SEM1: variants seen among roughly 807,000 people sequenced by gnomAD.
The protein encoded by SEM1 is 26S proteasome complex subunit SEM1.
A neutral mutation model predicts 12.7 loss-of-function variants in SEM1; 3 were observed. That is an observed-to-expected ratio of 0.24 (90% CI 0.11 to 0.61). SEM1 has a LOEUF of 0.61. SEM1 is among the 20% of genes least tolerant of loss of function. The pLI, the probability that SEM1 is intolerant of heterozygous loss-of-function variation, is 0.88. For missense variants in SEM1, 59 were observed against 81.3 expected (o/e 0.73, Z 1.06); for synonymous variants, 30 against 27.8 (o/e 1.08, Z -0.25).
chr7:96,551,343 T>G (rs1294744686), intron 2 of SEM1, among the ~76,000 whole-genome samples: 1 of 152,114 alleles, frequency 6.6e-6, no homozygotes, highest in Non-Finnish European at 1.5e-5. Flanking sequence ...ATTAAGGTTC[T>G]CAAGACAAGA....
At chr7:96,628,695 C>A (rs902696527) in intron 2 of SEM1, among the ~76,000 whole-genome samples, 2 of 152,060 alleles carry the variant, frequency 1.3e-5, no homozygotes, top group African/African-American at 4.8e-5. Flanking sequence ...TACAGTGTTA[C>A]AATATTCTTT....
chr7:96,591,999 A>G (rs993413464), intron 2 of SEM1, among the ~76,000 whole-genome samples: 1 of 152,146 alleles, frequency 6.6e-6, no homozygotes, highest in African/African-American at 2.4e-5. Context: ...AAATCAAAAC[A>G]TGTTGAGCCT....
chr7:96,508,905 T>C (rs1803839369), intron 2 of SEM1, among the ~76,000 whole-genome samples: 1 of 152,136 alleles, frequency 6.6e-6, no homozygotes. Flanking sequence ...TTGATAACTC[T>C]AAATCAGGTG....
chr7:96,503,920 G>C (rs996553815), intron 3 of SEM1, among the ~76,000 whole-genome samples: 3 of 152,080 alleles, frequency 2.0e-5, no homozygotes, highest in Non-Finnish European at 4.4e-5. Context: ...CAAGTATCCA[G>C]TTCACAGAGA....
chr7:96,596,945 A>C (rs1159068659), intron 2 of SEM1, among the ~76,000 whole-genome samples: 2 of 152,208 alleles, frequency 1.3e-5, no homozygotes, highest in East Asian at 3.8e-4. Flanking sequence ...CAAATATGCC[A>C]TCTGAAAAAA....
chr7:96,652,552 G>A (rs560484035), intron 2 of SEM1, among the ~76,000 whole-genome samples: 3 of 151,614 alleles, frequency 2.0e-5, no homozygotes, highest in Non-Finnish European at 4.4e-5. Flanking sequence ...CCATTATTTG[G>A]ATTATTTTAA....
At chr7:96,619,164 C>T (rs1807808059), downstream of SEM1, among the ~76,000 whole-genome samples, 1 of 152,138 alleles carries the variant, frequency 6.6e-6, no homozygotes, top group Admixed American at 6.5e-5. Context: ...TATTTCCCTG[C>T]TTTTTCATAT....
intron 2 of SEM1, among the ~76,000 whole-genome samples, chr7:96,632,015 T>C (rs1808277010): frequency 6.6e-6 from 1 of 152,152 alleles, no homozygotes; most frequent in South Asian, 2.1e-4. Context: ...TACCATCTCA[T>C]GCCAGTTAGA....
chr7:96,599,879 A>G (rs1309211383), intron 2 of SEM1, among the ~76,000 whole-genome samples: 1 of 152,174 alleles, frequency 6.6e-6, no homozygotes, highest in Non-Finnish European at 1.5e-5. Context: ...ATACAGATCC[A>G]TTCTGAAATC....
intron 2 of SEM1, chr7:96,664,405 C>G (rs903520920): frequency 9.2e-5 from 14 of 152,182 alleles, no homozygotes; most frequent in African/African-American, 2.7e-4. Flanking sequence ...TTTCAGAGGC[C>G]TCCAGATTCT....
chr7:96,507,303 G>A (rs1382680502), intron 2 of SEM1, among the ~76,000 whole-genome samples: 1 of 152,038 alleles, frequency 6.6e-6, no homozygotes, highest in African/African-American at 2.4e-5. Context: ...CAGTATTCAG[G>A]TCAAGGAAAC....
At chr7:96,605,524 C>G (rs1192102927) in intron 2 of SEM1, among the ~76,000 whole-genome samples, 1 of 152,196 alleles carries the variant, frequency 6.6e-6, no homozygotes, top group Non-Finnish European at 1.5e-5. Context: ...TAAACAAAAG[C>G]TCTCCAGATA....
chr7:96,639,284 A>G (rs922443375), intron 2 of SEM1, among the ~76,000 whole-genome samples: 3 of 151,996 alleles, frequency 2.0e-5, no homozygotes, highest in Non-Finnish European at 4.4e-5. Flanking sequence ...ATGAAAAAGA[A>G]CTAGAGAAGA....
intron 2 of SEM1, among the ~76,000 whole-genome samples, chr7:96,511,802 G>A (rs1439155290): frequency 1.3e-5 from 2 of 152,014 alleles, no homozygotes; most frequent in Non-Finnish European, 2.9e-5. Flanking sequence ...CTCTCACTGG[G>A]TTGCACAGTC....
intron 2 of SEM1, among the ~76,000 whole-genome samples, chr7:96,646,166 T>C (rs1353465580): frequency 6.6e-6 from 1 of 152,178 alleles, no homozygotes; most frequent in African/African-American, 2.4e-5. Context: ...GCCTTTTTTC[T>C]TTTTTGTAAA....
chr7:96,650,265 G>A, intron 2 of SEM1: 1 of 449,642 alleles, frequency 2.2e-6, no homozygotes, highest in Admixed American at 4.0e-5. Flanking sequence ...AACAAACTAT[G>A]GGAAATTCCG....
At chr7:96,531,827 A>G (rs1315856181) in intron 2 of SEM1, among the ~76,000 whole-genome samples, 1 of 152,128 alleles carries the variant, frequency 6.6e-6, no homozygotes, top group Non-Finnish European at 1.5e-5. Context: ...AGAAAATATT[A>G]TGAATGGCAA....
exon 4 of SEM1, chr7:96,481,793 T>C (rs950184894): frequency 1.3e-5 from 2 of 152,318 alleles, no homozygotes; most frequent in East Asian, 3.9e-4. Flanking sequence ...GTAAATGTTC[T>C]ATATCCACCT....
intron 2 of SEM1, among the ~76,000 whole-genome samples, chr7:96,631,598 AC>A (rs1475848232): frequency 1.3e-5 from 2 of 151,988 alleles, no homozygotes; most frequent in African/African-American, 2.4e-5. Flanking sequence ...AATCATAAAA[AC>A]CCTAGAAGAA....
Sources: gnomAD v4.1 joint callset for allele counts (sites outside exome capture counted in the v4.1 genomes callset) on GRCh38, gnomAD v4.1.1 for gene constraint, MANE v1.5 for transcripts, NCBI Gene and HGNC (gene_info 2026-07-23, HGNC 2026-07-21) for gene names.